The following ZIM2 variants were observed in gnomAD, a reference collection of about 807,000 sequenced individuals.
ZIM2 encodes zinc finger imprinted 2, also known as zinc finger protein 656.
Under a neutral mutation model 38.6 loss-of-function variants are expected in ZIM2, and 14 were observed. The ratio of observed to expected loss-of-function variants is 0.36; its 90% CI spans 0.24 to 0.57. The LOEUF is 0.57. Among genes scored for constraint, ZIM2 ranks in the 20% least tolerant of loss-of-function variants. ZIM2 has a pLI of 0.81. For missense variants in ZIM2, 680 were observed against 695.1 expected, an observed-to-expected ratio of 0.98 and a Z score of 0.24; for synonymous variants, 247 against 245.8, an observed-to-expected ratio of 1.00 and a Z score of -0.04.
intron 2 of ZIM2, among the ~76,000 whole-genome samples, chr19:56,827,380 T>C (rs1232235008): frequency 6.6e-6 from 1 of 152,134 alleles, no homozygotes; most frequent in African/African-American, 2.4e-5. Flanking sequence ...TAGAAGCCAT[T>C]GAAAAATGGA....
Position 56,814,129 on chromosome 19 carries a change from T to C in ZIM2, c.490+3617A>G. ...TGGCTGCTCGGCCTCTCCATTTGGC[T>C]GTCCAGCCTCTCCAATGGGCTCTGC... On this transcript the variant is annotated intron_variant, in intron 9 of 12. Transcript: ENST00000629319. This position sits in a 1 kb window ranked among gnomAD's most constrained non-coding sequence, Gnocchi z 5.8. The C allele has an allele frequency of 6.2e-7, 1 of 1,614,206 alleles. No homozygotes were observed. The highest frequency in any genetic ancestry group is 8.5e-7 in the Non-Finnish European group (1 of 1,180,026).
chr19:56,833,454 A>G (rs964563449), intron 2 of ZIM2: 4 of 316,214 alleles, frequency 1.3e-5, no homozygotes, highest in African/African-American at 4.3e-5. Flanking sequence ...CAGCACGCAC[A>G]TGGAGTAAGA....
In ZIM2 at chr19:56,808,139, T is replaced by C. The variant is rs1036870569; in HGVS notation, c.490+9607A>G. Among the ~76,000 whole-genome samples the C allele has an allele frequency of 2.0e-5, 3 of 152,138 alleles. No homozygotes were observed. In the South Asian group the frequency reaches 6.2e-4, roughly 32 times the overall value. ...ACCCCAAACCATGTAATTAGTCCTT[T>C]GCTGGCATGAGGGAGGGGCAGGGAT... On this transcript the variant is annotated intron_variant, in intron 9 of 12. Transcript: ENST00000629319.
In ZIM2 at chr19:56,801,016, A is replaced by G. The variant is rs111773328; in HGVS notation, c.491-11065T>C. Among the ~76,000 whole-genome samples the G allele has an allele frequency of 2.9e-3, 436 of 150,608 alleles. 1 individual carries two copies. Among genetic ancestry groups the G allele is most frequent in the African/African-American group, 9.3e-3 (380 of 40,944 alleles). ...AGTGGCACGATCTCGGCTCACTGCA[A>G]CCTCCGCCTCCCAGGTTCAAGCAAT... On this transcript the variant is annotated intron_variant, in intron 9 of 12. Coordinates refer to ENST00000629319, the MANE Select transcript of ZIM2 (RefSeq NM_001387356.1).
chr19:56,789,931 C>A lies in ZIM2; in HGVS notation c.511G>T (p.Val171Phe), dbSNP rs765906549. The A allele has an allele frequency of 5.7e-6, 9 of 1,574,672 alleles. No individual in the cohort carries two copies. Among genetic ancestry groups the A allele is most frequent in the Non-Finnish European group, 6.9e-6 (8 of 1,153,158 alleles). ...TSRGFLAQDS[V>F]PAEKRNTEML... ...TCTGTGTTCCTCTTTTCTGCAGGGA[C>A]AGAGTCCTGAGCAAGGAAACCTAGA... is the stretch of plus-strand genomic sequence containing the variant. The change falls in exon 10 of 13, where the codon GTC becomes TTC. Residue 171 changes from valine (V) to phenylalanine (F), a missense_variant. Physicochemically the swap from Val to Phe is conservative, Grantham distance 50. Transcript: ENST00000629319.
intron 9 of ZIM2, chr19:56,811,256 AC>A (rs2059522518): frequency 3.2e-6 from 3 of 944,336 alleles, no homozygotes; most frequent in African/African-American, 1.8e-5. Flanking sequence ...GCCTACAACA[AC>A]AACACCACAA....
chr19:56,806,280 A>T (rs2047753109), intron 9 of ZIM2, among the ~76,000 whole-genome samples: 1 of 152,232 alleles, frequency 6.6e-6, no homozygotes, highest in Admixed American at 6.5e-5. Context: ...CTCATGTAAA[A>T]GCCTGGATAG....
chr19:56,777,557 C>T (rs966839904), intron 12 of ZIM2, among the ~76,000 whole-genome samples: 3 of 152,174 alleles, frequency 2.0e-5, no homozygotes, highest in African/African-American at 7.2e-5. Flanking sequence ...TAGCACTGCC[C>T]AGTAGAACTC....
At chr19:56,797,754 TG>T (rs1408106131) in intron 9 of ZIM2, among the ~76,000 whole-genome samples, 1 of 152,148 alleles carries the variant, frequency 6.6e-6, no homozygotes, top group Non-Finnish European at 1.5e-5. Flanking sequence ...GGACCACTTT[TG>T]GGGGATTGGA....
Position 56,811,969 on chromosome 19 carries a change from C to T in ZIM2, c.490+5777G>A, listed in dbSNP as rs1488221045. 5 of 985,426 alleles carry T rather than the reference C, an allele frequency of 5.1e-6. No homozygotes were observed. The East Asian group carries it at 3.4e-4, about 67-fold the overall frequency. 61.0% of individuals were successfully genotyped at this position (985,426 alleles called of 1,614,324 possible). On this transcript the variant is annotated intron_variant, in intron 9 of 12. Transcript: ENST00000629319. ...TTCTTGCTCTCAGCTCTACAATCTT[C>T]CTAAACTTTGACACTCCCTGCATCT...
At chr19:56,783,037 G>A (rs1259856236) in intron 10 of ZIM2, among the ~76,000 whole-genome samples, 1 of 151,606 alleles carries the variant, frequency 6.6e-6, no homozygotes, top group Admixed American at 6.6e-5. Context: ...CCCAGCCTCT[G>A]AGAACCACCC....
rs558829653 is a variant in ZIM2, at chr19:56,814,322, C to G, written c.490+3424G>C. 3.1e-6 allele frequency: 5 copies of G among 1,614,166 alleles called. No homozygotes were observed. Among genetic ancestry groups the G allele is most frequent in the Non-Finnish European group, 4.2e-6 (5 of 1,180,036 alleles). ...TGTGGAACATGGACATTGGCTTCAA[C>G]TTCCTGGGCTGCTGCTGCTGCAGCT... On this transcript the variant is annotated intron_variant, in intron 9 of 12. Transcript: ENST00000629319. The surrounding 1 kb of genome is among the most constrained non-coding windows in gnomAD (Gnocchi z 5.8).
At chr19:56,829,665 T>A (rs1384988363) in intron 2 of ZIM2, among the ~76,000 whole-genome samples, 1 of 152,220 alleles carries the variant, frequency 6.6e-6, no homozygotes, top group Non-Finnish European at 1.5e-5. Context: ...GCTGCCTTCC[T>A]GGCCGAGTGG....
At chr19:56,788,057 G>A (rs2046716916) in intron 10 of ZIM2, among the ~76,000 whole-genome samples, 1 of 150,000 alleles carries the variant, frequency 6.7e-6, no homozygotes, top group South Asian at 2.1e-4. Flanking sequence ...ACCAGCTCCT[G>A]GAGTCATTGA....
chr19:56,775,658 A>G (rs1399954880), intron 12 of ZIM2, 129 bp from the exon 13 acceptor site: 9 of 852,088 alleles, frequency 1.1e-5, no homozygotes, highest in Non-Finnish European at 1.2e-5. Flanking sequence ...TCCTAATCTG[A>G]AAAAAAAAAA....
chr19:56,831,925 A>G (rs2061603116), intron 2 of ZIM2, among the ~76,000 whole-genome samples: 1 of 152,262 alleles, frequency 6.6e-6, no homozygotes, highest in African/African-American at 2.4e-5. Flanking sequence ...GTTTTCAGAA[A>G]GCAAAGCTAT....
chr19:56,838,369 G>A (rs1490084719), intron 1 of ZIM2, among the ~76,000 whole-genome samples: 1 of 152,194 alleles, frequency 6.6e-6, no homozygotes, highest in Non-Finnish European at 1.5e-5. Flanking sequence ...CCACCCTGTG[G>A]CTAGCACAGA....
Position 56,813,740 on chromosome 19 carries a change from C to A in ZIM2, c.490+4006G>T, listed in dbSNP as rs191716523. On this transcript the variant is annotated intron_variant, in intron 9 of 12. Coordinates refer to ENST00000629319, the MANE Select transcript of ZIM2 (RefSeq NM_001387356.1). ...CGGTCATTGAAGAGCTGCCCACAGACGTCACATTTGAAGTACTTCTCATCA... is the reference window on the plus strand; with the variant it reads ...CGGTCATTGAAGAGCTGCCCACAGAAGTCACATTTGAAGTACTTCTCATCA... 1.9e-6 allele frequency: 3 copies of A among 1,614,090 alleles called. No individual in the cohort carries two copies. In the East Asian group the frequency reaches 6.7e-5, roughly 36 times the overall value.
chr19:56,813,539 TAG>T (rs1409387604), intron 9 of ZIM2: 1 of 1,443,918 alleles, frequency 6.9e-7, no homozygotes, highest in Non-Finnish European at 9.1e-7. Context: ...AATCTGAGTT[TAG>T]AGATGTTAAG....
Sources: allele counts gnomAD v4.1 joint callset (sites outside exome capture counted in the v4.1 genomes callset), GRCh38; gene constraint gnomAD v4.1.1; non-coding constraint Gnocchi (gnomAD v3.1); transcripts MANE v1.5; gene names NCBI Gene and HGNC (gene_info 2026-07-23, HGNC 2026-07-21).